JAK1: variants seen among roughly 807,000 people sequenced by gnomAD.
JAK1 encodes Janus kinase 1, also known as tyrosine-protein kinase JAK1.
Under a neutral mutation model 136.6 loss-of-function variants are expected in JAK1, and 16 were observed. That is an observed-to-expected ratio of 0.12 (90% confidence interval 0.08 to 0.18). The LOEUF (loss-of-function observed/expected upper bound fraction) is 0.18, where lower values mean the gene tolerates loss of function less well. Among genes scored for constraint, JAK1 ranks in the 10% least tolerant of loss-of-function variants. The probability of loss-of-function intolerance (pLI) is 1.00; values close to 1 mark genes in which losing one functional copy is unlikely to be tolerated. For synonymous variants in JAK1, 492 were observed against 519.5 expected (o/e 0.95, Z 0.72); for missense variants, 859 against 1,450.1 (o/e 0.59, Z 6.62).
At chr1:65,036,791 C>A (rs1375433366) in intron 2 of JAK1, among the ~76,000 whole-genome samples, 1 of 152,206 alleles carries the variant, frequency 6.6e-6, no homozygotes, top group Non-Finnish European at 1.5e-5. Context: ...TGTACTATGT[C>A]CATTCAATGG....
At chr1:65,013,327 C>T (rs532881897) in intron 2 of JAK1, among the ~76,000 whole-genome samples, 13 of 149,752 alleles carry the variant, frequency 8.7e-5, no homozygotes, top group African/African-American at 3.2e-4. Flanking sequence ...AATCAGGAGG[C>T]GGAGGTTGCG....
intron 4 of JAK1, 21 bp downstream of exon 4, chr1:64,879,004 C>T (rs1644726586): frequency 6.2e-7 from 1 of 1,613,108 alleles, no homozygotes; most frequent in African/African-American, 1.3e-5. Flanking sequence ...CAGGCAGGTA[C>T]CAGGTCAGTA....
chr1:64,886,988 C>T (rs889234589), intron 1 of JAK1, among the ~76,000 whole-genome samples: 1 of 152,198 alleles, frequency 6.6e-6, no homozygotes, highest in Non-Finnish European at 1.5e-5. Flanking sequence ...TTAGGAAGAG[C>T]ATAGTCCCAG....
chr1:64,971,042 A>G (rs148798459), upstream of JAK1, among the ~76,000 whole-genome samples: 16 of 152,356 alleles, frequency 1.1e-4, no homozygotes, highest in East Asian at 2.7e-3. Context: ...ACAATGGGAA[A>G]ATATGTTAGA....
chr1:64,855,717 G>T lies in JAK1; in HGVS notation c.1459-19C>A. On this transcript the variant is annotated intron_variant, in intron 10 of 24. Transcript: ENST00000342505. ...GCACCTGCTATTCGGGAAATGACCA[G>T]AAATTACATGTTTAAAATGGGGTCA... 1 of 1,603,852 alleles carries T rather than the reference G, an allele frequency of 6.2e-7. No homozygotes were observed. Among genetic ancestry groups the T allele is most frequent in the Non-Finnish European group, 8.5e-7 (1 of 1,171,976 alleles).
Position 64,833,919 on chromosome 1 carries a change from C to T in JAK1, c.*643G>A, listed in dbSNP as rs1654303292. 4.3e-6 allele frequency: 1 copy of T among 232,658 alleles called. No homozygotes were observed. Among genetic ancestry groups the T allele is most frequent in the African/African-American group, 2.2e-5 (1 of 45,314 alleles). 14.4% of individuals were successfully genotyped at this position (232,658 alleles called of 1,614,324 possible). On this transcript the variant is annotated 3_prime_UTR_variant, in exon 25 of 25. Transcript: ENST00000342505. ...TCCACAGCTATCCCCCCATGTAGAACCAGCTTTCTCAAAAATGGGTGCTAG... is the reference window on the plus strand; with the variant it reads ...TCCACAGCTATCCCCCCATGTAGAATCAGCTTTCTCAAAAATGGGTGCTAG...
intron 2 of JAK1, among the ~76,000 whole-genome samples, chr1:65,041,236 A>G (rs1647130030): frequency 6.6e-6 from 1 of 152,080 alleles, no homozygotes; most frequent in African/African-American, 2.4e-5. Flanking sequence ...GGAAAAAGCT[A>G]TTTACAGTGT....
intron 1 of JAK1, among the ~76,000 whole-genome samples, chr1:65,046,288 C>T (rs999784763): frequency 1.3e-5 from 2 of 152,176 alleles, no homozygotes; most frequent in African/African-American, 4.8e-5. Flanking sequence ...ACTCCCAATA[C>T]CCCACCTGCA....
At chr1:65,024,398 CCTT>C (rs1393140920) in intron 2 of JAK1, among the ~76,000 whole-genome samples, 1 of 152,056 alleles carries the variant, frequency 6.6e-6, no homozygotes, top group African/African-American at 2.4e-5. Flanking sequence ...TACTTGTACA[CCTT>C]CTTTGGGGAA....
At chr1:64,897,195 C>T (rs546792439) in intron 1 of JAK1, among the ~76,000 whole-genome samples, 7 of 151,700 alleles carry the variant, frequency 4.6e-5, no homozygotes, top group African/African-American at 1.5e-4. Context: ...TTTGGAAGGC[C>T]GAGGCGGGTG....
At chr1:64,839,145 C>CAAAA (rs56058898) in intron 20 of JAK1, among the ~76,000 whole-genome samples, 12 of 59,844 alleles carry the variant, frequency 2.0e-4, no homozygotes, top group African/African-American at 3.5e-4. Context: ...GACTCCGTCT[C>CAAAA]AAAAAAAAAA....
intron 1 of JAK1, among the ~76,000 whole-genome samples, chr1:64,905,672 A>C (rs1250312248): frequency 6.6e-6 from 1 of 152,154 alleles, no homozygotes; most frequent in Non-Finnish European, 1.5e-5. Flanking sequence ...CCAATCCCAT[A>C]AAATAGACTT....
intron 5 of JAK1, among the ~76,000 whole-genome samples, chr1:64,870,848 AG>A (rs1403674336): frequency 1.3e-5 from 2 of 152,214 alleles, no homozygotes; most frequent in Non-Finnish European, 2.9e-5. Flanking sequence ...AAAACTTCTG[AG>A]GAACAATGAT....
rs1472164588 is a variant in JAK1, at chr1:64,855,505, G to A, written c.1648+4C>T. The A allele has an allele frequency of 1.7e-5, 28 of 1,613,476 alleles. No individual in the cohort carries two copies. Among genetic ancestry groups the A allele is most frequent in the Non-Finnish European group, 2.4e-5 (28 of 1,179,588 alleles). ...CAGCCTGGCTCTGGCACAGGGAGAC[G>A]AACCTCGGGGCTTGGGCTGGCAGCA... is the stretch of plus-strand genomic sequence containing the variant. On this transcript the variant is annotated splice_donor_region_variant and intron_variant, in intron 11 of 24. Transcript: ENST00000342505.
chr1:65,033,858 G>A (rs1647047370), intron 2 of JAK1, among the ~76,000 whole-genome samples: 1 of 152,136 alleles, frequency 6.6e-6, no homozygotes, highest in African/African-American at 2.4e-5. Flanking sequence ...TAGAGTGTGT[G>A]ATTTTGGGCA....
At chr1:65,021,155 C>T (rs1238289646) in intron 2 of JAK1, among the ~76,000 whole-genome samples, 2 of 152,136 alleles carry the variant, frequency 1.3e-5, no homozygotes, top group Non-Finnish European at 2.9e-5. Context: ...ACCCAGAGAA[C>T]CCAGCAGAAT....
intron 8 of JAK1, among the ~76,000 whole-genome samples, chr1:64,860,929 C>CGTGT (rs577274261): frequency 0.013 from 606 of 48,206 alleles, 63 homozygotes; most frequent in Non-Finnish European, 0.014. Flanking sequence ...CCCCTGGGTC[C>CGTGT]GTGTGTGTGT....
chr1:64,846,787 G>T, intron 13 of JAK1, 51 bp from the exon 14 acceptor site: 1 of 1,415,208 alleles, frequency 7.1e-7, no homozygotes, highest in Non-Finnish European at 9.9e-7. Flanking sequence ...CCAGGGGGCT[G>T]CTCCCCAGGG....
chr1:64,854,061 T>C (rs1570640823), intron 11 of JAK1, among the ~76,000 whole-genome samples: 1 of 152,208 alleles, frequency 6.6e-6, no homozygotes, highest in East Asian at 1.9e-4. Flanking sequence ...TCCTCAAGCA[T>C]GAAAACAAAG....
Sources: allele counts gnomAD v4.1 joint callset (sites outside exome capture counted in the v4.1 genomes callset), GRCh38; gene constraint gnomAD v4.1.1; transcripts MANE v1.5; gene names NCBI Gene and HGNC (gene_info 2026-07-23, HGNC 2026-07-21).